Variants in SLC9A8 observed in about 807,000 individuals in gnomAD.
SLC9A8 encodes sodium/hydrogen exchanger 8.
SLC9A8 carries 48 observed loss-of-function variants against 66.6 expected under a neutral mutation model. That is an observed-to-expected ratio of 0.72 (90% CI 0.57 to 0.92). SLC9A8 has a LOEUF of 0.92. Ranked by LOEUF, SLC9A8 falls within the 40% of genes least tolerant of loss-of-function variation. SLC9A8 has a pLI of 0.00. For synonymous variants in SLC9A8, 274 were observed against 282.6 expected, an observed-to-expected ratio of 0.97 and a Z score of 0.31; for missense variants, 599 against 747.3, an observed-to-expected ratio of 0.80 and a Z score of 2.31.
At chr20:49,864,360 C>T (rs915556248) in intron 9 of SLC9A8, among the ~76,000 whole-genome samples, 4 of 152,120 alleles carry the variant, frequency 2.6e-5, no homozygotes, top group East Asian at 1.9e-4. Context: ...GGGGTGATGC[C>T]GGCCCTGGGA....
At chr20:49,813,493 T>G (rs929213784) in intron 1 of SLC9A8, among the ~76,000 whole-genome samples, 5 of 152,222 alleles carry the variant, frequency 3.3e-5, no homozygotes, top group Non-Finnish European at 5.9e-5. Flanking sequence ...AAGACCATAA[T>G]TAGTCAAGGT....
chr20:49,840,104 T>C (rs2087702023), intron 4 of SLC9A8, among the ~76,000 whole-genome samples: 1 of 152,108 alleles, frequency 6.6e-6, no homozygotes. Flanking sequence ...CTCAGGGAGA[T>C]TGGGATGTAT....
chr20:49,865,350 C>A (rs146891484), intron 10 of SLC9A8, among the ~76,000 whole-genome samples: 67 of 152,296 alleles, frequency 4.4e-4, no homozygotes, highest in African/African-American at 1.6e-3. Context: ...CATAGAGGGA[C>A]AAGCAAAGTG....
intron 7 of SLC9A8, among the ~76,000 whole-genome samples, chr20:49,852,519 C>T (rs1867282270): frequency 6.6e-6 from 1 of 152,186 alleles, no homozygotes. Context: ...AGAGAGATTT[C>T]ACTCTTAGAG....
chr20:49,866,674 G>A (rs923777209), intron 10 of SLC9A8, among the ~76,000 whole-genome samples: 14 of 152,122 alleles, frequency 9.2e-5, no homozygotes, highest in Non-Finnish European at 4.4e-5. Flanking sequence ...ATCAAATTTG[G>A]TAAGCTTTTG....
At chr20:49,833,287 T>C (rs1568809634) in intron 3 of SLC9A8, among the ~76,000 whole-genome samples, 2 of 152,118 alleles carry the variant, frequency 1.3e-5, no homozygotes, top group East Asian at 1.9e-4. Context: ...TTTAAACCTT[T>C]AAATGGCAAA....
At position 49,823,113 on chromosome 20, in the gene SLC9A8, G is replaced by T. The variant is rs1157249666; in HGVS notation, c.261G>T (p.Leu87Phe). Residue 87 changes from leucine to phenylalanine, a missense_variant, in exon 3 of 16, where the codon TTG (leucine) becomes TTT (phenylalanine). This residue lies in a region of SLC9A8 where 132 missense variants were observed against 120.9 expected (regional missense o/e 1.09). Coordinates refer to ENST00000361573, the MANE Select transcript of SLC9A8 (RefSeq NM_015266.3). ...TGATCCGATACAGATTACATTTCTT[G>T]CCAGAGAGTGTTGCTGTTGTTTCTT... is the stretch of plus-strand genomic sequence containing the variant. ...HLLIRYRLHFLPESVAVVSLG... is the reference protein window; with the variant it reads ...HLLIRYRLHFFPESVAVVSLG... 1 of 1,611,850 alleles carries T rather than the reference G, an allele frequency of 6.2e-7. No homozygotes were observed. Among genetic ancestry groups the T allele is most frequent in the East Asian group, 2.2e-5 (1 of 44,790 alleles).
intron 10 of SLC9A8, among the ~76,000 whole-genome samples, chr20:49,872,184 TCTC>T (rs2089236738): frequency 6.6e-6 from 1 of 152,040 alleles, no homozygotes. Flanking sequence ...GGTAAAGAAG[TCTC>T]CTACCCTCTC....
At chr20:49,830,042 C>A (rs1424358065) in intron 3 of SLC9A8, 1 of 673,380 alleles carries the variant, frequency 1.5e-6, no homozygotes. Flanking sequence ...TAAATGGCAG[C>A]CGACCAGAAG....
chr20:49,844,611 C>G (rs2087901283), intron 4 of SLC9A8, among the ~76,000 whole-genome samples: 2 of 134,222 alleles, frequency 1.5e-5, no homozygotes, highest in African/African-American at 2.7e-5. Context: ...TAGCGGGACC[C>G]TGTATCTTAA....
At chr20:49,884,261 C>CGACACACACACACACG in intron 14 of SLC9A8, 195 bp downstream of exon 14, 1 of 283,658 alleles carries the variant, frequency 3.5e-6, no homozygotes, top group Non-Finnish European at 6.4e-6. Context: ...ACACACACGA[C>CGACACACACACACACG]ACACACACAC....
intron 8 of SLC9A8, among the ~76,000 whole-genome samples, 166 bp from the exon 9 acceptor site, chr20:49,862,763 G>A (rs1423633153): frequency 6.6e-6 from 1 of 152,202 alleles, no homozygotes; most frequent in African/African-American, 2.4e-5. Flanking sequence ...GAAAATAACA[G>A]TACCTGGGAC....
intron 5 of SLC9A8, among the ~76,000 whole-genome samples, chr20:49,848,155 C>T (rs2088090766): frequency 6.6e-6 from 1 of 151,844 alleles, no homozygotes; most frequent in South Asian, 2.1e-4. Flanking sequence ...AACTCCTGAC[C>T]TTAGATGATC....
rs575391453 is a variant in SLC9A8 at position 49,873,248 on chromosome 20, G to A, written c.959-1457G>A. Among the ~76,000 whole-genome samples the A allele has an allele frequency of 3.3e-5, 5 of 152,258 alleles. No homozygotes were observed. In the East Asian group the frequency reaches 7.7e-4, roughly 24 times the overall value. ...TATAATCCCAGCACTTTGGGAGGCCGAGGCAGGTTGGATTGCTTGAGCTCA... is the reference window on the plus strand; with the variant it reads ...TATAATCCCAGCACTTTGGGAGGCCAAGGCAGGTTGGATTGCTTGAGCTCA... On this transcript the variant is annotated intron_variant, in intron 10 of 15. Transcript: ENST00000361573.
chr20:49,884,289 G>GCGCGCGCGCGCACACACAC (rs1255789032), intron 14 of SLC9A8: 2 of 36,862 alleles, frequency 5.4e-5, no homozygotes, highest in African/African-American at 4.5e-4. Flanking sequence ...ACACACACAC[G>GCGCGCGCGCGCACACACAC]ACACACACAC....
At chr20:49,867,084 C>T (rs2089001650) in intron 10 of SLC9A8, among the ~76,000 whole-genome samples, 1 of 152,138 alleles carries the variant, frequency 6.6e-6, no homozygotes. Context: ...TCTCTGTCAA[C>T]TGTAGGTCTG....
chr20:49,884,289 G>GACACACACACACACACAC (rs1176516884), intron 14 of SLC9A8: 4 of 38,756 alleles, frequency 1.0e-4, no homozygotes, highest in Non-Finnish European at 2.1e-4. Flanking sequence ...ACACACACAC[G>GACACACACACACACACAC]ACACACACAC....
chr20:49,865,326 T>G (rs1170255315), intron 10 of SLC9A8, among the ~76,000 whole-genome samples: 1 of 152,158 alleles, frequency 6.6e-6, no homozygotes, highest in Non-Finnish European at 1.5e-5. Context: ...CATGAAACCA[T>G]GTACTCAGTG....
In SLC9A8 at chr20:49,868,046, G is replaced by A. The variant is rs2089045891; in HGVS notation, c.958+3202G>A. On this transcript the variant is annotated intron_variant, in intron 10 of 15. Coordinates refer to ENST00000361573, the MANE Select transcript of SLC9A8 (RefSeq NM_015266.3). ...ATGAGGTTCCCTTTCTTTACTGAATGTTGGCACTTACAAAAACGTTACCTG... is the reference window on the plus strand; with the variant it reads ...ATGAGGTTCCCTTTCTTTACTGAATATTGGCACTTACAAAAACGTTACCTG... Among the ~76,000 whole-genome samples the A allele has an allele frequency of 2.6e-5, 4 of 152,184 alleles. No homozygotes were observed. In the South Asian group the frequency reaches 8.3e-4, roughly 32 times the overall value.
Sources: allele counts gnomAD v4.1 joint callset (sites outside exome capture counted in the v4.1 genomes callset), GRCh38; gene constraint gnomAD v4.1.1; regional missense constraint gnomAD v4.1.1; transcripts MANE v1.5; gene names NCBI Gene and HGNC (gene_info 2026-07-23, HGNC 2026-07-21).